The following TENT2 variants were observed in gnomAD, a reference collection of about 807,000 sequenced individuals.
The protein encoded by TENT2 is terminal nucleotidyltransferase 2.
A neutral mutation model predicts 72.2 loss-of-function variants in TENT2; 44 were observed. The ratio of observed to expected loss-of-function variants is 0.61; its 90% CI spans 0.48 to 0.78. TENT2 has a LOEUF of 0.78. Among genes scored for constraint, TENT2 ranks in the 30% least tolerant of loss-of-function variants. The pLI, the probability that TENT2 is intolerant of heterozygous loss-of-function variation, is 0.00. For synonymous variants in TENT2, 212 were observed against 192.5 expected, an observed-to-expected ratio of 1.10 and a Z score of -0.84; for missense variants, 541 against 569.6, an observed-to-expected ratio of 0.95 and a Z score of 0.51.
intron 10 of TENT2, among the ~76,000 whole-genome samples, chr5:79,653,785 G>A (rs572950408): frequency 6.6e-6 from 1 of 152,206 alleles, no homozygotes; most frequent in African/African-American, 2.4e-5. Flanking sequence ...TGAGGGAAAA[G>A]GGCAAACAAG....
chr5:79,619,579 ATAATT>A, intron 1 of TENT2, 28 bp from the exon 2 acceptor site: 2 of 1,442,106 alleles, frequency 1.4e-6, no homozygotes, highest in Non-Finnish European at 9.4e-7. Flanking sequence ...TTAAGCTATG[ATAATT>A]TAATATTGTC....
intron 4 of TENT2, among the ~76,000 whole-genome samples, chr5:79,630,877 T>C (rs1774882242): frequency 1.3e-5 from 2 of 151,006 alleles, no homozygotes; most frequent in African/African-American, 4.9e-5. Flanking sequence ...TTCACTGCAC[T>C]ATGGAGAGTA....
intron 4 of TENT2, among the ~76,000 whole-genome samples, chr5:79,633,189 A>G (rs759227615): frequency 6.6e-6 from 1 of 152,180 alleles, no homozygotes; most frequent in Non-Finnish European, 1.5e-5. Flanking sequence ...TTTTCCTCAG[A>G]AAATTAATAC....
intron 13 of TENT2, among the ~76,000 whole-genome samples, chr5:79,680,463 A>T (rs1379758055): frequency 6.6e-6 from 1 of 152,218 alleles, no homozygotes; most frequent in African/African-American, 2.4e-5. Flanking sequence ...ATATGACCTT[A>T]TTCTGTTAAG....
intron 4 of TENT2, among the ~76,000 whole-genome samples, chr5:79,633,029 C>T (rs1776798588): frequency 6.6e-6 from 1 of 152,136 alleles, no homozygotes. Context: ...TGTCCTTACA[C>T]AAAAACATAG....
At position 79,656,988 on chromosome 5, in the gene TENT2, A is replaced by G. The variant is rs755256334; in HGVS notation, c.1058A>G (p.Gln353Arg). Residue 353 changes from glutamine (Q) to arginine (R), a missense_variant, in exon 11 of 15, where the codon CAA becomes CGA. Transcript: ENST00000453514. ...TLPEPILPSL[Q>R]KIYPESFSPA... is the part of the protein sequence containing the mutation. ...CCTGAACCCATCCTTCCATCCCTCC[A>G]AAAAATTTACCCAGTAAGTGTTTCT... The G allele has an allele frequency of 6.2e-7, 1 of 1,600,812 alleles. No homozygotes were observed.
At chr5:79,657,022 A>G in intron 11 of TENT2, 21 bp downstream of exon 11, 1 of 1,475,764 alleles carries the variant, frequency 6.8e-7, no homozygotes, top group African/African-American at 1.4e-5. Context: ...CTTATAAATT[A>G]TTATAATACA....
At position 79,688,202 on chromosome 5, in the gene TENT2, A is replaced by G. The variant is rs192395327; in HGVS notation, c.*2929A>G. ...TACAGTCATATTTAACAACTCTGTG[A>G]CTTGCTATAATTAAAAATAAATGTT... On this transcript the variant is annotated 3_prime_UTR_variant, in exon 15 of 15. Transcript: ENST00000453514. Among the ~76,000 whole-genome samples, 1 of 152,342 alleles carries G rather than the reference A, an allele frequency of 6.6e-6. No homozygotes were observed. The highest frequency in any genetic ancestry group is 1.5e-5 in the Non-Finnish European group (1 of 68,032).
At chr5:79,622,771 C>T (rs373337382) in intron 3 of TENT2, among the ~76,000 whole-genome samples, 13 of 152,210 alleles carry the variant, frequency 8.5e-5, no homozygotes, top group Admixed American at 2.6e-4. Flanking sequence ...TGAATTTCTT[C>T]GTTGTCCAAT....
chr5:79,648,392 CTTATT>C (rs1363004653), intron 8 of TENT2, among the ~76,000 whole-genome samples: 1 of 151,988 alleles, frequency 6.6e-6, no homozygotes, highest in East Asian at 1.9e-4. Context: ...CCACTGGAAT[CTTATT>C]TTATATTTTC....
At chr5:79,632,928 C>G (rs187101246) in intron 4 of TENT2, among the ~76,000 whole-genome samples, 261 of 152,180 alleles carry the variant, frequency 1.7e-3, no homozygotes, top group Non-Finnish European at 2.4e-3. Flanking sequence ...ATAGTAGGCG[C>G]CTAAAGTAAT....
intron 11 of TENT2, among the ~76,000 whole-genome samples, chr5:79,667,789 C>G (rs1489877829): frequency 6.6e-6 from 1 of 152,038 alleles, no homozygotes; most frequent in Non-Finnish European, 1.5e-5. Context: ...TATGCAATTT[C>G]TCTACTACCA....
chr5:79,619,685 AC>A lies in TENT2; in HGVS notation c.38del (p.Thr13IlefsTer24). 13 of 1,613,632 alleles carry A rather than the reference AC, an allele frequency of 8.1e-6. No individual in the cohort carries two copies. The highest frequency in any genetic ancestry group is 1.1e-5 in the Non-Finnish European group (13 of 1,179,766). On this transcript the variant is annotated frameshift_variant, in exon 2 of 15. Coordinates refer to ENST00000453514, the MANE Select transcript of TENT2 (RefSeq NM_001114394.3). LOFTEE classifies it high-confidence loss of function. ...CTCAATTTTGGGTCGCCCACCCTTC[AC>A]TCCAAATCATCAACAACATAATAAC... The part of the protein sequence containing the change: ...PNSILGRPPF[T>X]PNHQQHNNFF...
chr5:79,648,943 C>A, intron 9 of TENT2, 119 bp from the exon 10 acceptor site: 2 of 1,133,782 alleles, frequency 1.8e-6, no homozygotes, highest in Non-Finnish European at 1.2e-6. Context: ...TGAACAGACA[C>A]AGTGTTTAAT....
chr5:79,619,020 T>C (rs1349064801), intron 1 of TENT2, among the ~76,000 whole-genome samples: 2 of 152,216 alleles, frequency 1.3e-5, no homozygotes, highest in Non-Finnish European at 2.9e-5. Context: ...AAAGAATAAA[T>C]ATCTACTCTC....
chr5:79,659,554 ATGTATATATATATATATATATATATAT>A (rs1673186434), intron 11 of TENT2, among the ~76,000 whole-genome samples: 1 of 47,278 alleles, frequency 2.1e-5, no homozygotes, highest in East Asian at 9.4e-4. Context: ...AAAAAAAAAA[ATGTATATATATATATATATATATATAT>A]ATATATATAT....
chr5:79,636,941 T>G (rs1780598699), intron 4 of TENT2, among the ~76,000 whole-genome samples: 1 of 152,186 alleles, frequency 6.6e-6, no homozygotes, highest in Admixed American at 6.5e-5. Context: ...AATTAAAACA[T>G]GAGAGAAAAG....
At chr5:79,616,819 G>C (rs565432347) in intron 1 of TENT2, among the ~76,000 whole-genome samples, 4 of 152,238 alleles carry the variant, frequency 2.6e-5, no homozygotes, top group East Asian at 1.9e-4. Context: ...CTTGTCTCTG[G>C]TCCAAATTAG....
Position 79,648,686 on chromosome 5 carries a change from T to C in TENT2, c.891T>C (p.Tyr297=), listed in dbSNP as rs576038136. The C allele has an allele frequency of 3.1e-6, 5 of 1,587,530 alleles. No homozygotes were observed. Among genetic ancestry groups the C allele is most frequent in the Admixed American group, 1.8e-5 (1 of 55,984 alleles). The change falls in exon 9 of 15, where the codon TAT becomes TAC. Residue 297 remains tyrosine, a synonymous_variant. Transcript: ENST00000453514. ...GIRNTFLLRT[Y]AYLENRVRPL... is the part of the protein sequence containing the mutation. ...GAAACACATTCCTTCTCAGAACTTA[T>C]GCATACCGTAAGTTTGTTGTTTGTT... is the stretch of plus-strand genomic sequence containing the variant.
Sources: allele counts gnomAD v4.1 joint callset (sites outside exome capture counted in the v4.1 genomes callset), GRCh38; gene constraint gnomAD v4.1.1; transcripts MANE v1.5; gene names NCBI Gene and HGNC (gene_info 2026-07-23, HGNC 2026-07-21).